CLSTN2: variants seen among roughly 807,000 people sequenced by gnomAD.
CLSTN2 encodes the protein calsyntenin 2.
A neutral mutation model predicts 101.2 loss-of-function variants in CLSTN2; 48 were observed. The observed-to-expected ratio is 0.47, with a 90% CI of 0.38 to 0.60. CLSTN2 has a LOEUF of 0.60. Ranked by LOEUF, CLSTN2 falls within the 20% of genes least tolerant of loss-of-function variation. The pLI is 0.00. For missense variants in CLSTN2, 1,160 were observed against 1,238.2 expected, an observed-to-expected ratio of 0.94 and a Z score of 0.95; for synonymous variants, 481 against 463.6, an observed-to-expected ratio of 1.04 and a Z score of -0.48.
At chr3:140,033,321 G>A (rs1280996527) in intron 1 of CLSTN2, among the ~76,000 whole-genome samples, 3 of 152,228 alleles carry the variant, frequency 2.0e-5, no homozygotes, top group Non-Finnish European at 2.9e-5. Flanking sequence ...GCTTCACAGT[G>A]ATAGTCAAAT....
At chr3:140,459,275 T>G (rs527728306) in intron 6 of CLSTN2, among the ~76,000 whole-genome samples, 1 of 152,342 alleles carries the variant, frequency 6.6e-6, no homozygotes, top group East Asian at 1.9e-4. Context: ...CACTTTTTTC[T>G]TGCATCCTAT....
At chr3:140,242,137 C>T (rs1399908454) in intron 2 of CLSTN2, among the ~76,000 whole-genome samples, 2 of 152,082 alleles carry the variant, frequency 1.3e-5, no homozygotes, top group African/African-American at 2.4e-5. Context: ...GTCTCGAATT[C>T]CTGACCTCAG....
chr3:140,511,025 C>T lies in CLSTN2; in HGVS notation c.1345-21299C>T, dbSNP rs149441017. Among the ~76,000 whole-genome samples, 590 of 152,282 alleles carry T rather than the reference C, an allele frequency of 3.9e-3. 2 individuals carry two copies. The highest frequency in any genetic ancestry group is 6.1e-3 in the Non-Finnish European group (415 of 68,032). On this transcript the variant is annotated intron_variant, in intron 8 of 16. Coordinates refer to ENST00000458420, the MANE Select transcript of CLSTN2 (RefSeq NM_022131.3). ...CTCCCTCCCCTTACTCTACCCCGTT[C>T]GACAGGCCCCACTGTGTGCTGTTCC... is the stretch of plus-strand genomic sequence containing the variant.
chr3:139,959,658 C>T (rs1172293719), intron 1 of CLSTN2, among the ~76,000 whole-genome samples: 7 of 152,228 alleles, frequency 4.6e-5, no homozygotes, highest in Non-Finnish European at 5.9e-5. Context: ...CCCCACTCTC[C>T]TTGCCAGTCA....
Position 140,574,288 on chromosome 3 carries a change from G to C in CLSTN2, c.*8035G>C, listed in dbSNP as rs1494530. 2.4e-4 allele frequency: 37 copies of C among 152,164 alleles called. No homozygotes were observed. Among genetic ancestry groups the C allele is most frequent in the African/African-American group, 8.7e-4 (36 of 41,420 alleles). 9.4% of individuals were successfully genotyped at this position (152,164 alleles called of 1,614,324 possible). A position where few individuals can be genotyped will look rare whatever the true frequency, so the allele number is the denominator to read the frequency against. On this transcript the variant is annotated 3_prime_UTR_variant, in exon 17 of 17. Coordinates refer to ENST00000458420, the MANE Select transcript of CLSTN2 (RefSeq NM_022131.3). ...GCAGTGAACAGAGGACAACATTTGT[G>C]ATGCACGTGGGAGAAAACAGGAGTG... is the stretch of plus-strand genomic sequence containing the variant.
intron 10 of CLSTN2, among the ~76,000 whole-genome samples, chr3:140,556,077 C>A (rs1032640511): frequency 6.6e-6 from 1 of 152,080 alleles, no homozygotes; most frequent in Admixed American, 6.5e-5. Context: ...CGGCATGGGT[C>A]AGAAAATGGA....
At chr3:140,155,206 C>T (rs1191656072) in intron 1 of CLSTN2, among the ~76,000 whole-genome samples, 1 of 152,132 alleles carries the variant, frequency 6.6e-6, no homozygotes, top group African/African-American at 2.4e-5. Context: ...CTAAGGGGTT[C>T]TTGCAGAGGC....
intron 1 of CLSTN2, among the ~76,000 whole-genome samples, chr3:140,111,156 G>T (rs547752257): frequency 2.0e-5 from 3 of 152,288 alleles, no homozygotes; most frequent in East Asian, 3.9e-4. Flanking sequence ...GAGACAGTCT[G>T]CAGTAGTCCT....
chr3:140,262,298 A>G (rs913660125), intron 2 of CLSTN2, among the ~76,000 whole-genome samples: 7 of 152,170 alleles, frequency 4.6e-5, no homozygotes, highest in African/African-American at 1.4e-4. Flanking sequence ...GAATGAAGAC[A>G]TTGTTCCACC....
chr3:140,419,803 A>G lies in CLSTN2; in HGVS notation c.638-1322A>G, dbSNP rs1459755270. ...CGTATATACACGTATACGTGTATAT[A>G]CGTGTATATACGTATATATACGTAT... On this transcript the variant is annotated intron_variant, in intron 4 of 16. Transcript: ENST00000458420. Among the ~76,000 whole-genome samples the G allele has an allele frequency of 4.0e-5, 3 of 75,652 alleles. 1 individual carries two copies. The highest frequency in any genetic ancestry group is 6.5e-5 in the Non-Finnish European group (3 of 46,220). The allele number at this position is 75,652 out of a possible 152,430, so 49.6% of individuals were successfully genotyped here. A position where few individuals can be genotyped will look rare whatever the true frequency, so the allele number is the denominator to read the frequency against.
chr3:140,281,629 T>G (rs1420901456), intron 2 of CLSTN2, among the ~76,000 whole-genome samples: 1 of 152,160 alleles, frequency 6.6e-6, no homozygotes, highest in Admixed American at 6.5e-5. Flanking sequence ...TTTTATGGAT[T>G]TAAAAATCTT....
At chr3:140,565,640 AAG>A (rs1936011294) in intron 16 of CLSTN2, among the ~76,000 whole-genome samples, 1 of 152,226 alleles carries the variant, frequency 6.6e-6, no homozygotes, top group South Asian at 2.1e-4. Flanking sequence ...ACACTTGGAA[AAG>A]AGACACAAGA....
intron 1 of CLSTN2, among the ~76,000 whole-genome samples, chr3:140,130,181 G>A (rs1442059582): frequency 6.6e-6 from 1 of 152,170 alleles, no homozygotes. Context: ...ATCCGGTGAG[G>A]CTCTAGCTTC....
chr3:140,292,568 C>G (rs180976593), intron 2 of CLSTN2, among the ~76,000 whole-genome samples: 8 of 152,250 alleles, frequency 5.3e-5, no homozygotes, highest in Admixed American at 3.9e-4. Context: ...CTCTAGTTAC[C>G]CCAGCACTTC....
chr3:140,544,964 T>C (rs1935559259), intron 9 of CLSTN2, among the ~76,000 whole-genome samples: 1 of 152,122 alleles, frequency 6.6e-6, no homozygotes, highest in African/African-American at 2.4e-5. Context: ...TATATGGATC[T>C]AGATTCAAAC....
chr3:140,124,128 A>G (rs962426950), intron 1 of CLSTN2, among the ~76,000 whole-genome samples: 12 of 152,118 alleles, frequency 7.9e-5, no homozygotes, highest in African/African-American at 2.4e-4. Context: ...AGAAAGGCAT[A>G]TGGGGAACAG....
chr3:140,065,231 G>A (rs1206310278), intron 1 of CLSTN2, among the ~76,000 whole-genome samples: 2 of 152,202 alleles, frequency 1.3e-5, no homozygotes, highest in Non-Finnish European at 2.9e-5. Flanking sequence ...TGTGGAAGGT[G>A]AGGCCAGGTG....
chr3:140,251,158 C>G (rs1299989673), intron 2 of CLSTN2, among the ~76,000 whole-genome samples: 1 of 152,106 alleles, frequency 6.6e-6, no homozygotes, highest in Non-Finnish European at 1.5e-5. Context: ...TCCTTGTAGA[C>G]ATCTCTATTT....
intron 1 of CLSTN2, among the ~76,000 whole-genome samples, chr3:140,159,862 C>T (rs2107819195): frequency 6.6e-6 from 1 of 152,204 alleles, no homozygotes; most frequent in Non-Finnish European, 1.5e-5. Context: ...TCCTTTGCAG[C>T]AACATGAATG....
Sources: allele counts gnomAD v4.1 joint callset (sites outside exome capture counted in the v4.1 genomes callset), GRCh38; gene constraint gnomAD v4.1.1; transcripts MANE v1.5; gene names NCBI Gene and HGNC (gene_info 2026-07-23, HGNC 2026-07-21).